The following PHF21B variants were observed in gnomAD, a reference collection of about 807,000 sequenced individuals.
PHF21B encodes the protein PHD finger protein 4.
A neutral mutation model predicts 62.2 loss-of-function variants in PHF21B; 22 were observed. The ratio of observed to expected loss-of-function variants is 0.35; its 90% confidence interval spans 0.25 to 0.51. The LOEUF is 0.51. Ranked by LOEUF, PHF21B falls within the 20% of genes least tolerant of loss-of-function variation. The probability of loss-of-function intolerance (pLI) is 0.97; values close to 1 mark genes in which losing one functional copy is unlikely to be tolerated. For missense variants in PHF21B, 701 were observed against 707.9 expected, an observed-to-expected ratio of 0.99 and a Z score of 0.11; for synonymous variants, 341 against 314.7, an observed-to-expected ratio of 1.08 and a Z score of -0.88.
chr22:44,891,990 C>T (rs368881801), intron 7 of PHF21B, among the ~76,000 whole-genome samples: 9 of 152,302 alleles, frequency 5.9e-5, no homozygotes, highest in South Asian at 2.1e-4. Flanking sequence ...AGGGCCCCCT[C>T]GGGCTGTGTG....
At chr22:44,935,741 C>G (rs1395638935) in intron 2 of PHF21B, among the ~76,000 whole-genome samples, 1 of 152,234 alleles carries the variant, frequency 6.6e-6, no homozygotes, top group Admixed American at 6.5e-5. Flanking sequence ...TGACTTCAAG[C>G]TGTTTAACCT....
chr22:44,936,570 G>A (rs185687204), intron 2 of PHF21B, among the ~76,000 whole-genome samples: 407 of 152,308 alleles, frequency 2.7e-3, no homozygotes, highest in Non-Finnish European at 5.0e-3. Flanking sequence ...CCTGAGCTGA[G>A]ACGGGTTTCA....
intron 2 of PHF21B, chr22:44,933,628 G>T (rs1412504918): frequency 2.7e-6 from 2 of 745,356 alleles, no homozygotes; most frequent in Admixed American, 1.3e-4. Flanking sequence ...GTGGGGTGGG[G>T]GAGCCGTCTG....
chr22:44,963,421 TAA>T (rs1040412369), intron 2 of PHF21B, among the ~76,000 whole-genome samples: 1 of 152,154 alleles, frequency 6.6e-6, no homozygotes, highest in Admixed American at 6.5e-5. Context: ...TACCTAGAAA[TAA>T]AGTGACTTCT....
At chr22:45,004,702 C>A (rs973337447) in intron 2 of PHF21B, among the ~76,000 whole-genome samples, 2 of 152,220 alleles carry the variant, frequency 1.3e-5, no homozygotes, top group Non-Finnish European at 2.9e-5. Context: ...GATAACCCCC[C>A]AGCTTCATTC....
chr22:44,947,490 T>A (rs771411141), intron 2 of PHF21B, among the ~76,000 whole-genome samples: 1 of 152,204 alleles, frequency 6.6e-6, no homozygotes, highest in Non-Finnish European at 1.5e-5. Flanking sequence ...CTCCCATGAA[T>A]GGCCTGGCAG....
intron 2 of PHF21B, among the ~76,000 whole-genome samples, chr22:44,934,016 A>C (rs2071795571): frequency 1.3e-5 from 2 of 152,308 alleles, no homozygotes; most frequent in Middle Eastern, 6.8e-3. Context: ...GTGAAAACTA[A>C]CAAGAAAATA....
chr22:44,984,194 C>CCATCACAACCACCATCAT (rs2072902438), intron 2 of PHF21B, among the ~76,000 whole-genome samples: 1 of 21,820 alleles, frequency 4.6e-5, no homozygotes, highest in Non-Finnish European at 1.1e-4. Flanking sequence ...ACCATCATCA[C>CCATCACAACCACCATCAT]CACCACTACC....
At chr22:44,931,942 G>A (rs1021527406) in intron 2 of PHF21B, among the ~76,000 whole-genome samples, 13 of 152,208 alleles carry the variant, frequency 8.5e-5, no homozygotes, top group Admixed American at 8.5e-4. Flanking sequence ...GCAGCCTGCT[G>A]GGAATGTCCA....
chr22:44,885,417 G>T lies in PHF21B; in HGVS notation c.1377+9C>A. The T allele has an allele frequency of 1.3e-6, 2 of 1,566,510 alleles. No homozygotes were observed. Among genetic ancestry groups the T allele is most frequent in the Non-Finnish European group, 1.7e-6 (2 of 1,158,670 alleles). On this transcript the variant is annotated intron_variant, in intron 12 of 12. Transcript: ENST00000313237. ...CTGAGGCCAGCCTCCCCCAGGCCCC[G>T]GGGCACACCTGCACTGCTGACGCCA...
chr22:44,913,827 G>A lies in PHF21B; in HGVS notation c.826C>T (p.Pro276Ser), dbSNP rs1425425434. 3 of 1,613,038 alleles carry A rather than the reference G, an allele frequency of 1.9e-6. No homozygotes were observed. The highest frequency in any genetic ancestry group is 1.7e-5 in the Admixed American group (1 of 59,980). ...KEDRPPTQEN[P>S]EKIAFMVALG... ...TCCGGAGAGGCCTGTCCTACCTCGG[G>A]GTTCTCCTGGGTCGGGGGCCGGTCT... The change falls in exon 5 of 13, where the codon CCC (proline) becomes TCC (serine). Residue 276 changes from proline to serine, a missense_variant. By Grantham distance (74) the Pro-to-Ser change is moderately conservative. Coordinates refer to ENST00000313237, the MANE Select transcript of PHF21B (RefSeq NM_138415.5).
intron 2 of PHF21B, among the ~76,000 whole-genome samples, chr22:44,961,212 C>A (rs2072413181): frequency 6.6e-6 from 1 of 152,096 alleles, no homozygotes; most frequent in Non-Finnish European, 1.5e-5. Flanking sequence ...GCCTCAGCCT[C>A]CCAAAGTGCT....
In PHF21B at chr22:45,009,089, G is replaced by C. The variant is rs193139932; in HGVS notation, c.54+407C>G. On this transcript the variant is annotated intron_variant, in intron 1 of 12. Coordinates refer to ENST00000313237, the MANE Select transcript of PHF21B (RefSeq NM_138415.5). The surrounding 1 kb of genome is among the most constrained non-coding windows in gnomAD (Gnocchi z 5.9). ...ACGCCGCCGCTCGCCAGCAGCGATCGCCAAAACTACTTCTGCACACCGGGC... is the reference window on the plus strand; with the variant it reads ...ACGCCGCCGCTCGCCAGCAGCGATCCCCAAAACTACTTCTGCACACCGGGC... 30 of 1,055,612 alleles carry C rather than the reference G, an allele frequency of 2.8e-5. 1 individual carries two copies. The South Asian group carries it at 3.6e-4, about 13-fold the overall frequency. 65.4% of individuals were successfully genotyped at this position (1,055,612 alleles called of 1,614,324 possible).
At chr22:44,986,656 G>A (rs1269750781) in intron 2 of PHF21B, among the ~76,000 whole-genome samples, 2 of 152,116 alleles carry the variant, frequency 1.3e-5, no homozygotes, top group Non-Finnish European at 2.9e-5. Flanking sequence ...AGGATTTGAG[G>A]CCAGATAATA....
At chr22:44,906,211 G>A (rs1488213373) in intron 5 of PHF21B, among the ~76,000 whole-genome samples, 1 of 152,210 alleles carries the variant, frequency 6.6e-6, no homozygotes, top group African/African-American at 2.4e-5. Context: ...CTGTGGGTTT[G>A]AAACGGAGAG....
intron 2 of PHF21B, among the ~76,000 whole-genome samples, chr22:44,947,876 G>A (rs1413222816): frequency 1.3e-5 from 2 of 152,090 alleles, no homozygotes; most frequent in African/African-American, 2.4e-5. Context: ...ACAGCGATGT[G>A]CGCAGGTCTT....
intron 12 of PHF21B, among the ~76,000 whole-genome samples, chr22:44,883,547 C>G (rs1256066663): frequency 6.6e-6 from 1 of 152,128 alleles, no homozygotes; most frequent in Non-Finnish European, 1.5e-5. Flanking sequence ...AACGTCCTTC[C>G]CATGGCTGTG....
At chr22:44,966,698 C>T (rs1249817277) in intron 2 of PHF21B, among the ~76,000 whole-genome samples, 2 of 152,148 alleles carry the variant, frequency 1.3e-5, no homozygotes, top group African/African-American at 2.4e-5. Context: ...CATGAGGTAG[C>T]GGTAGCCCCC....
chr22:44,987,029 G>A (rs1256629121), intron 2 of PHF21B, among the ~76,000 whole-genome samples: 1 of 152,230 alleles, frequency 6.6e-6, no homozygotes, highest in Non-Finnish European at 1.5e-5. Flanking sequence ...AGGCTAAGAA[G>A]ACATTAGAAA....
Sources: gnomAD v4.1 joint callset for allele counts (sites outside exome capture counted in the v4.1 genomes callset) on GRCh38, gnomAD v4.1.1 for gene constraint, Gnocchi (gnomAD v3.1) non-coding constraint, MANE v1.5 for transcripts, NCBI Gene and HGNC (gene_info 2026-07-23, HGNC 2026-07-21) for gene names.